DOK7: variants seen among roughly 807,000 people sequenced by gnomAD.
DOK7 encodes the protein docking protein 7.
Under a neutral mutation model 30.7 loss-of-function variants are expected in DOK7, and 32 were observed. The ratio of observed to expected loss-of-function variants is 1.04; its 90% CI spans 0.79 to 1.40. DOK7 has a LOEUF of 1.40. Among genes scored for constraint, DOK7 ranks in the 40% most tolerant of loss-of-function variants. DOK7 has a pLI of 0.00. For synonymous variants in DOK7, 447 were observed against 324.1 expected (o/e 1.38, Z -4.07); for missense variants, 1,007 against 699.2 (o/e 1.44, Z -4.97).
At chr4:3,485,032 A>G (rs1025271211) in intron 4 of DOK7, among the ~76,000 whole-genome samples, 4 of 151,986 alleles carry the variant, frequency 2.6e-5, no homozygotes, top group African/African-American at 9.7e-5. Context: ...TGGCTGCTTC[A>G]TTTGCCCTCA....
intron 4 of DOK7, among the ~76,000 whole-genome samples, chr4:3,484,374 C>T (rs1233958011): frequency 2.6e-5 from 4 of 152,210 alleles, no homozygotes; most frequent in South Asian, 2.1e-4. Flanking sequence ...CAGCAGGCAG[C>T]GGGGGTTCTA....
chr4:3,494,576 C>G (rs908615908), downstream of DOK7: 2 of 942,128 alleles, frequency 2.1e-6, no homozygotes, highest in African/African-American at 1.8e-5. Context: ...CCGGGCCCGG[C>G]TTCCCTGGCC....
chr4:3,467,664 ATGTG>A (rs1264495873), intron 2 of DOK7, among the ~76,000 whole-genome samples: 3 of 152,020 alleles, frequency 2.0e-5, no homozygotes, highest in Non-Finnish European at 4.4e-5. Context: ...GTAAGAGTGA[ATGTG>A]TGAGTGTGGG....
chr4:3,466,640 G>C (rs763437334), intron 2 of DOK7, among the ~76,000 whole-genome samples: 114 of 152,206 alleles, frequency 7.5e-4, no homozygotes, highest in Admixed American at 1.6e-3. Context: ...CCCGCGTCAG[G>C]ACAGGGAATC....
intron 5 of DOK7, among the ~76,000 whole-genome samples, chr4:3,488,112 C>A (rs563034915): frequency 6.6e-6 from 1 of 152,250 alleles, no homozygotes; most frequent in Non-Finnish European, 1.5e-5. Context: ...AGGGAGGGGA[C>A]AGGAGAGAGG....
downstream of DOK7, among the ~76,000 whole-genome samples, chr4:3,496,436 C>T (rs754565847): frequency 5.3e-5 from 8 of 152,264 alleles, no homozygotes; most frequent in African/African-American, 1.4e-4. Context: ...GCTCTGAGGT[C>T]GGAGCCCAGA....
chr4:3,499,195 G>A (rs955236930), downstream of DOK7, among the ~76,000 whole-genome samples: 1 of 152,244 alleles, frequency 6.6e-6, no homozygotes, highest in Non-Finnish European at 1.5e-5. Context: ...TGGACAGGCA[G>A]GTGTTTCAGG....
At chr4:3,476,259 C>CCCGGTT in intron 3 of DOK7, 83 bp from the exon 4 acceptor site, 1 of 991,462 alleles carries the variant, frequency 1.0e-6, no homozygotes, top group South Asian at 1.6e-5. Flanking sequence ...CCCACCCGCC[C>CCCGGTT]GTGATGCCCT....
intron 4 of DOK7, among the ~76,000 whole-genome samples, chr4:3,478,168 C>T (rs1444270084): frequency 2.0e-5 from 3 of 152,184 alleles, no homozygotes; most frequent in East Asian, 1.9e-4. Flanking sequence ...GGGGTGGCGC[C>T]GCGTGCTCAC....
chr4:3,486,380 A>G (rs993964634), intron 5 of DOK7, among the ~76,000 whole-genome samples: 1 of 152,236 alleles, frequency 6.6e-6, no homozygotes, highest in Non-Finnish European at 1.5e-5. Flanking sequence ...CCCAACGTCC[A>G]AGTGAGGCCA....
At chr4:3,489,918 T>C (rs1384580921) in intron 6 of DOK7, 122 bp downstream of exon 6, 5 of 1,417,028 alleles carry the variant, frequency 3.5e-6, no homozygotes, top group Middle Eastern at 1.9e-4. Context: ...TCATTCCTTC[T>C]GTCTCCTGCT....
intron 3 of DOK7, among the ~76,000 whole-genome samples, chr4:3,474,843 T>C (rs1323003670): frequency 2.0e-5 from 3 of 149,366 alleles, no homozygotes; most frequent in Non-Finnish European, 4.4e-5. Flanking sequence ...AGCTGGGAGG[T>C]GGAGGTTGCG....
chr4:3,468,708 G>C lies in DOK7; in HGVS notation c.101-4698G>C, dbSNP rs1404634308. Among the ~76,000 whole-genome samples, 16 of 145,250 alleles carry C rather than the reference G, an allele frequency of 1.1e-4. No homozygotes were observed. The East Asian group carries it at 1.6e-3, about 14-fold the overall frequency. On this transcript the variant is annotated intron_variant, in intron 2 of 6. Coordinates refer to ENST00000340083, the MANE Select transcript of DOK7 (RefSeq NM_173660.5). The stretch of plus-strand genomic sequence containing the variant: ...TGTGTGCATGTATGTCTGTGTATGT[G>C]TGTGTATGTGTGCGTGCCTGTATGT...
downstream of DOK7, chr4:3,494,534 C>T: frequency 1.0e-6 from 1 of 984,784 alleles, no homozygotes. Flanking sequence ...CGCCCACCCT[C>T]CACGTGGGGC....
chr4:3,489,914 CTTCTGTCTCCTGCTCATTCA>C lies in DOK7; in HGVS notation c.772+123_772+142del, dbSNP rs1323394411. 1.2e-3 allele frequency: 1,764 copies of C among 1,429,578 alleles called. 12 individuals carry two copies. Among genetic ancestry groups the C allele is most frequent in the African/African-American group, 6.4e-3 (453 of 70,608 alleles). 88.6% of individuals were successfully genotyped at this position (1,429,578 alleles called of 1,614,324 possible). Reference sequence around the variant, plus strand: ...GCTCCCTCTGCTCATTCATTCATTCCTTCTGTCTCCTGCTCATTCATTCTTCCCCCAACTCCCCGCCCCGC... The same window carrying C: ...GCTCCCTCTGCTCATTCATTCATTCCTTCTTCCCCCAACTCCCCGCCCCGC... On this transcript the variant is annotated intron_variant, in intron 6 of 6. Transcript: ENST00000340083.
chr4:3,490,310 GGCT>G (rs1728193746), intron 6 of DOK7, among the ~76,000 whole-genome samples: 2 of 42,900 alleles, frequency 4.7e-5, no homozygotes, highest in African/African-American at 9.1e-5. Context: ...CCGCCCCCCC[GGCT>G]CATTCTTGCC....
At position 3,493,240 on chromosome 4, in the gene DOK7, C is replaced by A. The variant is rs1308309288; in HGVS notation, c.1254C>A (p.His418Gln). ...GCCTTTGCCTGGCTCCTAGAGACCA[C>A]AGCCCCCCCTCACAGGGCAGCCCCG... ...PRSLCLAPRD[H>Q]SPPSQGSPGN... Residue 418 changes from histidine to glutamine, a missense_variant, in exon 7 of 7, where the codon CAC (histidine) becomes CAA (glutamine). By Grantham distance (24) the His-to-Gln change is conservative. Coordinates refer to ENST00000340083, the MANE Select transcript of DOK7 (RefSeq NM_173660.5). The A allele has an allele frequency of 6.2e-7, 1 of 1,611,922 alleles. No individual in the cohort carries two copies. The highest frequency in any genetic ancestry group is 8.5e-7 in the Non-Finnish European group (1 of 1,179,672).
At chr4:3,468,113 T>A (rs939338159) in intron 2 of DOK7, among the ~76,000 whole-genome samples, 1 of 152,210 alleles carries the variant, frequency 6.6e-6, no homozygotes, top group African/African-American at 2.4e-5. Flanking sequence ...TGTCCACGTG[T>A]GTGTGCATGT....
downstream of DOK7, among the ~76,000 whole-genome samples, chr4:3,498,125 GGC>G (rs1296276689): frequency 6.6e-6 from 1 of 152,190 alleles, no homozygotes; most frequent in Non-Finnish European, 1.5e-5. Context: ...GCCAGCCCAG[GGC>G]GGGGTCTGGG....
Sources: allele counts gnomAD v4.1 joint callset (sites outside exome capture counted in the v4.1 genomes callset), GRCh38; gene constraint gnomAD v4.1.1; transcripts MANE v1.5; gene names NCBI Gene and HGNC (gene_info 2026-07-23, HGNC 2026-07-21).